SANBR: variants seen among roughly 807,000 people sequenced by gnomAD.
SANBR encodes the protein SANT and BTB domain regulator of CSR.
A neutral mutation model predicts 101.8 loss-of-function variants in SANBR; 77 were observed. The ratio of observed to expected loss-of-function variants is 0.76; its 90% CI spans 0.63 to 0.91. SANBR has a LOEUF of 0.91. Among genes scored for constraint, SANBR ranks in the 40% least tolerant of loss-of-function variants. SANBR has a pLI of 0.00. For synonymous variants in SANBR, 279 were observed against 274.7 expected (o/e 1.02, Z -0.15); for missense variants, 875 against 853.0 (o/e 1.03, Z -0.32).
chr2:61,134,743 T>A (rs1684793972), intron 21 of SANBR, among the ~76,000 whole-genome samples: 1 of 151,790 alleles, frequency 6.6e-6, no homozygotes, highest in Non-Finnish European at 1.5e-5. Context: ...AATACAAAAA[T>A]TAGCTGGTGG....
At chr2:61,069,365 T>C (rs899832230) in intron 2 of SANBR, among the ~76,000 whole-genome samples, 5 of 152,092 alleles carry the variant, frequency 3.3e-5, no homozygotes, top group African/African-American at 1.2e-4. Flanking sequence ...CTTGTGTTGC[T>C]GCATTTCAGC....
At chr2:61,124,678 C>T (rs1431116323), downstream of SANBR, among the ~76,000 whole-genome samples, 7 of 151,366 alleles carry the variant, frequency 4.6e-5, no homozygotes, top group Non-Finnish European at 1.0e-4. Context: ...TGCACTCCAG[C>T]CTGTGCAGCA....
At chr2:61,092,421 T>G (rs756747729) in intron 10 of SANBR, 43 bp from the exon 11 acceptor site, 14 of 1,407,144 alleles carry the variant, frequency 9.9e-6, no homozygotes, top group Non-Finnish European at 1.3e-5. Context: ...ATAAAACAAA[T>G]TGTTTATATC....
At chr2:61,094,624 T>C (rs921044948) in intron 11 of SANBR, among the ~76,000 whole-genome samples, 1 of 150,992 alleles carries the variant, frequency 6.6e-6, no homozygotes, top group Non-Finnish European at 1.5e-5. Context: ...CTCTTGGATG[T>C]ATTTATTTCT....
At chr2:61,113,431 T>C (rs777568315) in intron 16 of SANBR, among the ~76,000 whole-genome samples, 3 of 152,218 alleles carry the variant, frequency 2.0e-5, no homozygotes, top group African/African-American at 7.2e-5. Context: ...TCCTTTTTTT[T>C]CCAATGGCAG....
rs761502420 is a variant in SANBR at position 61,092,540 on chromosome 2, C to A, written c.1165C>A (p.Arg389=). The change falls in exon 11 of 22, where the codon CGA becomes AGA. Residue 389 remains arginine, a synonymous_variant. Transcript: ENST00000402291. ...ELKSWRDVYW[R]LWGTINWLTC... Reference sequence around the variant, plus strand: ...AAAATCTTGGAGAGATGTATACTGGCGATTGTGGGGAACAATCAATTGGCT... The same window carrying A: ...AAAATCTTGGAGAGATGTATACTGGAGATTGTGGGGAACAATCAATTGGCT... 2 of 1,604,414 alleles carry A rather than the reference C, an allele frequency of 1.2e-6. No individual in the cohort carries two copies. The highest frequency in any genetic ancestry group is 1.7e-5 in the Admixed American group (1 of 58,966).
chr2:61,135,053 G>A (rs1684803559), intron 21 of SANBR, among the ~76,000 whole-genome samples: 2 of 152,148 alleles, frequency 1.3e-5, no homozygotes, highest in Non-Finnish European at 2.9e-5. Context: ...AGCTAGGTGT[G>A]GTGGCACGCG....
At chr2:61,135,615 A>T (rs1022039529) in intron 21 of SANBR, among the ~76,000 whole-genome samples, 1 of 152,206 alleles carries the variant, frequency 6.6e-6, no homozygotes, top group African/African-American at 2.4e-5. Context: ...TCAGGAGCAT[A>T]AAAAAATCAG....
At chr2:61,092,440 G>C (rs1364439859) in intron 10 of SANBR, 24 bp from the exon 11 acceptor site, 2 of 1,507,710 alleles carry the variant, frequency 1.3e-6, no homozygotes, top group Non-Finnish European at 1.8e-6. Flanking sequence ...TCACTTGCTT[G>C]TAAAATTGAG....
At chr2:61,104,912 A>G (rs1159260787) in intron 13 of SANBR, among the ~76,000 whole-genome samples, 1 of 145,758 alleles carries the variant, frequency 6.9e-6, no homozygotes, top group African/African-American at 2.5e-5. Flanking sequence ...TCATTGATCA[A>G]CCAATTGATT....
At chr2:61,108,072 T>G (rs1322029368) in intron 14 of SANBR, among the ~76,000 whole-genome samples, 2 of 152,232 alleles carry the variant, frequency 1.3e-5, no homozygotes. Flanking sequence ...GTACGTGATT[T>G]ACTTGTCCTT....
chr2:61,122,275 A>G lies in SANBR; in HGVS notation c.*113A>G. 1.5e-6 allele frequency: 2 copies of G among 1,360,134 alleles called. No homozygotes were observed. The highest frequency in any genetic ancestry group is 1.9e-6 in the Non-Finnish European group (2 of 1,034,374). The allele number at this position is 1,360,134 out of a possible 1,614,324, so 84.3% of individuals were successfully genotyped here. On this transcript the variant is annotated 3_prime_UTR_variant, in exon 22 of 22. Coordinates refer to ENST00000402291, the MANE Select transcript of SANBR (RefSeq NM_001129993.3). ...CTTCCAACTGTTTTATGTTATTATT[A>G]TTTTAATCCACATAAATCATAATTC...
chr2:61,096,566 A>G (rs1429453217), intron 11 of SANBR, among the ~76,000 whole-genome samples: 1 of 152,102 alleles, frequency 6.6e-6, no homozygotes, highest in Non-Finnish European at 1.5e-5. Context: ...CAGTGCTTGC[A>G]CCATGTTCTT....
Position 61,081,434 on chromosome 2 carries a change from ATT to A in SANBR, c.671-4_671-3del, listed in dbSNP as rs74706756. On this transcript the variant is annotated splice_polypyrimidine_tract_variant and intron_variant, in intron 6 of 21. Coordinates refer to ENST00000402291, the MANE Select transcript of SANBR (RefSeq NM_001129993.3). ...GGGTACCCATCAAAAGGGTAATCTA[ATT>A]TTTTTTTTTTTTTAGAGCCAGGAAA... The A allele has an allele frequency of 4.5e-3, 6,292 of 1,404,054 alleles. No homozygotes were observed. The highest frequency in any genetic ancestry group is 0.01 in the Admixed American group (459 of 44,206). 87.0% of individuals were successfully genotyped at this position (1,404,054 alleles called of 1,614,324 possible).
At chr2:61,072,734 C>A (rs986159412) in intron 4 of SANBR, among the ~76,000 whole-genome samples, 1 of 133,790 alleles carries the variant, frequency 7.5e-6, no homozygotes, top group African/African-American at 2.8e-5. Flanking sequence ...TACGAATATT[C>A]TTTTACTTTA....
chr2:61,076,633 A>C (rs1483003796), intron 5 of SANBR, among the ~76,000 whole-genome samples: 2 of 151,670 alleles, frequency 1.3e-5, no homozygotes, highest in African/African-American at 2.4e-5. Context: ...GTCTAAAAAA[A>C]AAAAAAAAAG....
At chr2:61,091,741 G>T (rs1573619959) in intron 10 of SANBR, among the ~76,000 whole-genome samples, 1 of 152,116 alleles carries the variant, frequency 6.6e-6, no homozygotes, top group Non-Finnish European at 1.5e-5. Flanking sequence ...TCCAGGCTGG[G>T]TAACAGAGTA....
chr2:61,122,084 T>C, intron 21 of SANBR, 42 bp from the exon 22 acceptor site: 2 of 1,543,208 alleles, frequency 1.3e-6, no homozygotes, highest in Middle Eastern at 3.4e-4. Flanking sequence ...TCCTATTGTT[T>C]TAGAAGCAAT....
At position 61,123,494 on chromosome 2, in the gene SANBR, C is replaced by A. The variant is rs891575622; in HGVS notation, c.*1332C>A. On this transcript the variant is annotated 3_prime_UTR_variant, in exon 22 of 22. Coordinates refer to ENST00000402291, the MANE Select transcript of SANBR (RefSeq NM_001129993.3). ...ATTTTGTTCCCATTTATATTTGTTT[C>A]AATTGTTTGATACTGTGGAAATAGA... The A allele has an allele frequency of 4.1e-6, 4 of 975,292 alleles. No homozygotes were observed. The African/African-American group carries it at 7.0e-5, about 17-fold the overall frequency. 60.4% of individuals were successfully genotyped at this position (975,292 alleles called of 1,614,324 possible). A position where few individuals can be genotyped will look rare whatever the true frequency, so the allele number is the denominator to read the frequency against.
Sources: allele counts gnomAD v4.1 joint callset (sites outside exome capture counted in the v4.1 genomes callset), GRCh38; gene constraint gnomAD v4.1.1; transcripts MANE v1.5; gene names NCBI Gene and HGNC (gene_info 2026-07-23, HGNC 2026-07-21).